Variants in IMMP1L observed in about 807,000 individuals in gnomAD.
IMMP1L encodes inner mitochondrial membrane peptidase subunit 1, also known as mitochondrial inner membrane protease subunit 1.
Under a neutral mutation model 21.8 loss-of-function variants are expected in IMMP1L, and 24 were observed. The observed-to-expected ratio is 1.10, with a 90% CI of 0.80 to 1.55. The LOEUF is 1.55. Ranked by LOEUF, IMMP1L falls within the 40% of genes most tolerant of loss-of-function variation. The pLI is 0.00. For synonymous variants in IMMP1L, 46 were observed against 62.8 expected, an observed-to-expected ratio of 0.73 and a Z score of 1.26; for missense variants, 195 against 200.7, an observed-to-expected ratio of 0.97 and a Z score of 0.17.
chr11:31,489,871 T>A (rs941219708), intron 1 of IMMP1L, among the ~76,000 whole-genome samples: 8 of 152,196 alleles, frequency 5.3e-5, no homozygotes, highest in South Asian at 2.1e-4. Flanking sequence ...ATCTTAACAA[T>A]CTCACATAAT....
intron 1 of IMMP1L, among the ~76,000 whole-genome samples, chr11:31,500,692 G>A (rs1397461790): frequency 6.6e-6 from 1 of 151,600 alleles, no homozygotes; most frequent in Non-Finnish European, 1.5e-5. Context: ...AATACATAAA[G>A]CTGTAGACAC....
At chr11:31,447,786 T>C (rs1180077729) in intron 4 of IMMP1L, among the ~76,000 whole-genome samples, 1 of 152,366 alleles carries the variant, frequency 6.6e-6, no homozygotes. Flanking sequence ...ATAATATGCA[T>C]ACCTGCTTTT....
At chr11:31,443,818 C>T (rs191676485) in intron 4 of IMMP1L, among the ~76,000 whole-genome samples, 91 of 152,220 alleles carry the variant, frequency 6.0e-4, no homozygotes, top group African/African-American at 2.1e-3. Context: ...CAGTCATCAC[C>T]AAAGAGGAAT....
At chr11:31,473,291 C>T (rs1389657076) in intron 1 of IMMP1L, among the ~76,000 whole-genome samples, 4 of 152,208 alleles carry the variant, frequency 2.6e-5, no homozygotes, top group East Asian at 1.9e-4. Flanking sequence ...CCTTGTGATC[C>T]GCCCGCCTCA....
chr11:31,500,770 T>A (rs938966872), intron 1 of IMMP1L, among the ~76,000 whole-genome samples: 2 of 152,158 alleles, frequency 1.3e-5, no homozygotes, highest in Non-Finnish European at 2.9e-5. Flanking sequence ...GCAGACTCTG[T>A]TTTAGCCAAT....
At chr11:31,473,772 T>C in intron 1 of IMMP1L, 1 of 985,210 alleles carries the variant, frequency 1.0e-6, no homozygotes, top group Non-Finnish European at 1.2e-6. Context: ...ACCTGATTGT[T>C]CAGGTCTGAA....
intron 4 of IMMP1L, among the ~76,000 whole-genome samples, chr11:31,448,310 G>A (rs868140956): frequency 2.0e-5 from 3 of 151,996 alleles, no homozygotes; most frequent in East Asian, 1.9e-4. Context: ...ATCTGTCTCC[G>A]AAAGACAAAA....
At position 31,456,321 on chromosome 11, in the gene IMMP1L, C is replaced by A. The variant is rs773344620; in HGVS notation, c.260G>T (p.Gly87Val). 2 of 1,608,464 alleles carry A rather than the reference C, an allele frequency of 1.2e-6. No homozygotes were observed. Among genetic ancestry groups the A allele is most frequent in the South Asian group, 2.2e-5 (2 of 90,852 alleles). Residue 87 changes from glycine (G) to valine (V), a missense_variant, in exon 4 of 6, where the codon GGT (glycine) becomes GTT (valine). Coordinates refer to ENST00000532287, the MANE Select transcript of IMMP1L (RefSeq NM_001304274.2). The part of the protein sequence containing the change: ...PKSNICKRVI[G>V]LEGDKILTTS... ...GGTGAGGATTTTGTCTCCTTCCAAA[C>A]CAATTACTCTTTTACAAATATTTGA...
rs1350475048 is a variant in IMMP1L, at chr11:31,460,623, T to C, written c.194+3A>G. On this transcript the variant is annotated splice_donor_region_variant and intron_variant, in intron 3 of 5. Coordinates refer to ENST00000532287, the MANE Select transcript of IMMP1L (RefSeq NM_001304274.2). ...ATTTAATATATCCATGACAGAAATT[T>C]ACCTTTGGATACCATAAAAATGTCG... The C allele has an allele frequency of 6.4e-7, 1 of 1,570,236 alleles. No homozygotes were observed.
intron 1 of IMMP1L, among the ~76,000 whole-genome samples, chr11:31,465,750 AC>A (rs1954316750): frequency 6.6e-6 from 1 of 152,108 alleles, no homozygotes; most frequent in Non-Finnish European, 1.5e-5. Context: ...ATGTAGAAGG[AC>A]AAAACTAGTC....
In IMMP1L at chr11:31,509,565, G is replaced by A. The variant is rs1251702720; in HGVS notation, c.-76C>T. ...GAGACCCTCAACCAGGACACAGGTG[G>A]GCCTTTCTCACCTGGGCCCCGCCGA... On this transcript the variant is annotated 5_prime_UTR_variant, in exon 1 of 6. Transcript: ENST00000532287. 15 of 586,490 alleles carry A rather than the reference G, an allele frequency of 2.6e-5. No individual in the cohort carries two copies. Among genetic ancestry groups the A allele is most frequent in the South Asian group, 2.2e-4 (11 of 49,398 alleles). 36.3% of individuals were successfully genotyped at this position (586,490 alleles called of 1,614,324 possible).
At chr11:31,491,001 G>A (rs1198359049) in intron 1 of IMMP1L, among the ~76,000 whole-genome samples, 2 of 152,188 alleles carry the variant, frequency 1.3e-5, no homozygotes, top group Non-Finnish European at 2.9e-5. Flanking sequence ...AGCAAAGAAG[G>A]ATGCCCCCCT....
intron 1 of IMMP1L, among the ~76,000 whole-genome samples, chr11:31,479,611 G>A (rs1954825123): frequency 6.6e-6 from 1 of 152,020 alleles, no homozygotes; most frequent in African/African-American, 2.4e-5. Flanking sequence ...TCCAAATTGA[G>A]ATGTACTATA....
intron 1 of IMMP1L, among the ~76,000 whole-genome samples, chr11:31,495,464 G>A (rs1332496767): frequency 6.6e-6 from 1 of 152,136 alleles, no homozygotes; most frequent in Non-Finnish European, 1.5e-5. Context: ...CATGCACAAA[G>A]AACTGCCTGA....
intron 1 of IMMP1L, among the ~76,000 whole-genome samples, chr11:31,474,510 T>C (rs1954666089): frequency 6.6e-6 from 1 of 152,156 alleles, no homozygotes; most frequent in Admixed American, 6.5e-5. Flanking sequence ...CCATAATCTA[T>C]GAAGATTTTA....
intron 1 of IMMP1L, among the ~76,000 whole-genome samples, chr11:31,476,844 C>T (rs1954746584): frequency 6.6e-6 from 1 of 151,996 alleles, no homozygotes; most frequent in South Asian, 2.1e-4. Flanking sequence ...AAATAATTAA[C>T]ACCTCCAGCC....
intron 4 of IMMP1L, among the ~76,000 whole-genome samples, chr11:31,454,158 T>C (rs1454241997): frequency 1.3e-5 from 2 of 152,278 alleles, no homozygotes; most frequent in East Asian, 1.9e-4. Flanking sequence ...TGTATACTTA[T>C]AAATTTGTCC....
chr11:31,449,845 A>C (rs1953679934), intron 4 of IMMP1L, among the ~76,000 whole-genome samples: 1 of 152,300 alleles, frequency 6.6e-6, no homozygotes, highest in Non-Finnish European at 1.5e-5. Flanking sequence ...GGTAGCCCTC[A>C]GATAAAAGTA....
intron 1 of IMMP1L, among the ~76,000 whole-genome samples, chr11:31,506,220 A>G (rs1344659639): frequency 6.7e-6 from 1 of 149,632 alleles, no homozygotes; most frequent in Non-Finnish European, 1.5e-5. Flanking sequence ...GCACCTAAAC[A>G]TATAACTTTT....
Sources: gnomAD v4.1 joint callset for allele counts (sites outside exome capture counted in the v4.1 genomes callset) on GRCh38, gnomAD v4.1.1 for gene constraint, MANE v1.5 for transcripts, NCBI Gene and HGNC (gene_info 2026-07-23, HGNC 2026-07-21) for gene names.